The following PNPLA6 variants were observed in gnomAD, a reference collection of about 807,000 sequenced individuals.
PNPLA6 encodes the protein patatin like domain 6, lysophospholipase.
A neutral mutation model predicts 153.7 loss-of-function variants in PNPLA6; 105 were observed. That is an observed-to-expected ratio of 0.68 (90% CI 0.58 to 0.80). The LOEUF (loss-of-function observed/expected upper bound fraction) is 0.80. PNPLA6 is among the 30% of genes least tolerant of loss of function. The pLI, the probability that PNPLA6 is intolerant of heterozygous loss-of-function variation, is 0.00. For synonymous variants in PNPLA6, 825 were observed against 822.2 expected (o/e 1.00, Z -0.06); for missense variants, 1,423 against 1,919.3 (o/e 0.74, Z 4.83).
chr19:7,557,615 C>G (rs936495248), intron 27 of PNPLA6: 6 of 371,026 alleles, frequency 1.6e-5, no homozygotes, highest in Non-Finnish European at 3.2e-5. Context: ...GAAACCCCGT[C>G]TCTACTAAAA....
At position 7,557,612 on chromosome 19, in the gene PNPLA6, C is replaced by T. The variant is rs1045085937; in HGVS notation, c.3397+328C>T. 33 of 372,656 alleles carry T rather than the reference C, an allele frequency of 8.9e-5. 1 individual carries two copies. Among genetic ancestry groups the T allele is most frequent in the South Asian group, 5.2e-4 (25 of 48,140 alleles). The allele number at this position is 372,656 out of a possible 1,614,324, so 23.1% of individuals were successfully genotyped here. On this transcript the variant is annotated intron_variant, in intron 27 of 31. Transcript: ENST00000600737. ...CCGCCTGGCCAACATGGTGAAACCC[C>T]GTCTCTACTAAAAATACAAAAAATT...
At chr19:7,549,789 T>C in intron 13 of PNPLA6, 118 bp from the exon 14 acceptor site, 2 of 1,032,432 alleles carry the variant, frequency 1.9e-6, no homozygotes, top group South Asian at 2.7e-5. Flanking sequence ...GCCCTGCGCC[T>C]TCATATTTTT....
chr19:7,541,079 C>G lies in PNPLA6; in HGVS notation c.924+28C>G. 6.2e-7 allele frequency: 1 copy of G among 1,600,574 alleles called. No individual in the cohort carries two copies. Among genetic ancestry groups the G allele is most frequent in the Non-Finnish European group, 8.5e-7 (1 of 1,174,888 alleles). On this transcript the variant is annotated intron_variant, in intron 7 of 31. Coordinates refer to ENST00000600737, the MANE Select transcript of PNPLA6 (RefSeq NM_001166114.2). The surrounding 1 kb of genome is among the most constrained non-coding windows in gnomAD (Gnocchi z 5.2). Reference sequence around the variant, plus strand: ...CAGTGGGCCTTCGCCTCCTGTCACCCCCTGAGGGACCCCACCCTGGCCCCC... The same window carrying G: ...CAGTGGGCCTTCGCCTCCTGTCACCGCCTGAGGGACCCCACCCTGGCCCCC...
At chr19:7,549,832 T>C in intron 13 of PNPLA6, 75 bp from the exon 14 acceptor site, 3 of 1,401,954 alleles carry the variant, frequency 2.1e-6, no homozygotes, top group Non-Finnish European at 3.0e-6. Context: ...AATTTTTTCC[T>C]GTGGGGGCAT....
chr19:7,542,545 C>T lies in PNPLA6; in HGVS notation c.1253-16C>T, dbSNP rs2146060047. The T allele has an allele frequency of 1.3e-6, 2 of 1,595,772 alleles. No homozygotes were observed. The highest frequency in any genetic ancestry group is 1.1e-5 in the South Asian group (1 of 90,740). On this transcript the variant is annotated splice_polypyrimidine_tract_variant and intron_variant, in intron 10 of 31. Transcript: ENST00000600737. ...CTCATCTTTATGGTTTTTGTTGCCC[C>T]CCTGCCTGCCTGCAGGCTTGCAGGG...
chr19:7,550,783 C>A, intron 16 of PNPLA6, 143 bp downstream of exon 16: 1 of 1,138,822 alleles, frequency 8.8e-7, no homozygotes, highest in Non-Finnish European at 1.2e-6. Flanking sequence ...CCCGCCCAGA[C>A]CTCATTTCGT....
At chr19:7,534,367 A>T (rs78477215), upstream of PNPLA6, 803 of 170,902 alleles carry the variant, frequency 4.7e-3, 16 homozygotes, top group East Asian at 0.047. Flanking sequence ...CATACCCCCC[A>T]CGTCTCGGCA....
chr19:7,557,161 C>A lies in PNPLA6; in HGVS notation c.3281-7C>A. ...GCGTGTTTGTGTCTGTGTGTCCCAC[C>A]GCGCAGGCTCCCTGTGGCGGTACGT... On this transcript the variant is annotated splice_region_variant and splice_polypyrimidine_tract_variant and intron_variant, in intron 26 of 31. Transcript: ENST00000600737. The A allele has an allele frequency of 6.2e-7, 1 of 1,604,340 alleles. No individual in the cohort carries two copies. The highest frequency in any genetic ancestry group is 8.5e-7 in the Non-Finnish European group (1 of 1,173,044).
intron 3 of PNPLA6, among the ~76,000 whole-genome samples, chr19:7,537,773 C>G (rs532485859): frequency 6.6e-6 from 1 of 152,304 alleles, no homozygotes; most frequent in South Asian, 2.1e-4. Flanking sequence ...TCCCGAGTAG[C>G]TGGGACTACA....
At position 7,550,099 on chromosome 19, in the gene PNPLA6, T is replaced by G; in HGVS notation, c.1801T>G (p.Ser601Ala). The change falls in exon 14 of 32, where the codon TCC (serine) becomes GCC (alanine). Residue 601 changes from serine (S) to alanine (A), a missense_variant. Coordinates refer to ENST00000600737, the MANE Select transcript of PNPLA6 (RefSeq NM_001166114.2). The part of the protein sequence containing the change: ...RDCTFLRISK[S>A]DFYEIMRAQP... ...CTGCACCTTCCTGCGGATCTCCAAG[T>G]CCGACTTCTATGAGTATGACAGCCC... 6.2e-7 allele frequency: 1 copy of G among 1,614,062 alleles called. No individual in the cohort carries two copies. Among genetic ancestry groups the G allele is most frequent in the Non-Finnish European group, 8.5e-7 (1 of 1,180,038 alleles).
rs913408477 is a variant in PNPLA6, at chr19:7,542,780, G to A, written c.1382G>A (p.Arg461His). 2 of 1,613,046 alleles carry A rather than the reference G, an allele frequency of 1.2e-6. No individual in the cohort carries two copies. The highest frequency in any genetic ancestry group is 1.7e-6 in the Non-Finnish European group (2 of 1,179,952). Reference protein sequence around the residue: ...APARTPTQEPREQPAGACEYS... With the variant: ...APARTPTQEPHEQPAGACEYS... ...ACTCAGACCCCCACTCAGGAGCCTC[G>A]TGAGCAGCCGGCAGGCGCCTGTGAA... Residue 461 changes from arginine to histidine, a missense_variant, in exon 12 of 32, where the codon CGT (arginine) becomes CAT (histidine). Coordinates refer to ENST00000600737, the MANE Select transcript of PNPLA6 (RefSeq NM_001166114.2).
At position 7,554,558 on chromosome 19, in the gene PNPLA6, C is replaced by G; in HGVS notation, c.2469C>G (p.Ile823Met). 6.2e-7 allele frequency: 1 copy of G among 1,614,152 alleles called. No homozygotes were observed. Among genetic ancestry groups the G allele is most frequent in the Non-Finnish European group, 8.5e-7 (1 of 1,180,006 alleles). Residue 823 changes from isoleucine to methionine, a missense_variant, in exon 21 of 32, where the codon ATC (isoleucine) becomes ATG (methionine). Transcript: ENST00000600737. ...ARLGASALDS[I>M]QEFRLSGWLA... is the part of the protein sequence containing the mutation. ...CGCTGCCCCCTTCCCACCCTAGCATCCAAGAGTTCCGGCTGTCAGGGTGGC... is the reference window on the plus strand; with the variant it reads ...CGCTGCCCCCTTCCCACCCTAGCATGCAAGAGTTCCGGCTGTCAGGGTGGC...
At position 7,541,730 on chromosome 19, in the gene PNPLA6, C is replaced by T. The variant is rs1408288638; in HGVS notation, c.1168+46C>T. The T allele has an allele frequency of 2.0e-6, 3 of 1,536,010 alleles. No homozygotes were observed. The highest frequency in any genetic ancestry group is 3.9e-5 in the Admixed American group (2 of 51,586). On this transcript the variant is annotated intron_variant, in intron 9 of 31. Transcript: ENST00000600737. This position sits in a 1 kb window ranked among gnomAD's most constrained non-coding sequence, Gnocchi z 5.2. ...AGCCGAGCCCAATCTCCCAGGAAGC[C>T]CCGTCTCAGCCGCCAGCCCCTTTTT...
intron 18 of PNPLA6, among the ~76,000 whole-genome samples, chr19:7,552,611 C>T (rs550501703): frequency 5.3e-5 from 8 of 151,774 alleles, no homozygotes; most frequent in Non-Finnish European, 8.8e-5. Flanking sequence ...AAAAATTAGT[C>T]GGGTGTGGTG....
chr19:7,537,535 T>C (rs654059), intron 3 of PNPLA6, among the ~76,000 whole-genome samples: 38,414 of 152,172 alleles, frequency 0.25, 5,219 homozygotes, highest in East Asian at 0.41. Context: ...CTGGGATCCC[T>C]GTGCGTCATG....
Position 7,540,387 on chromosome 19 carries a change from TG to T in PNPLA6, c.714+81del, listed in dbSNP as rs2023076064. On this transcript the variant is annotated intron_variant, in intron 5 of 31. Coordinates refer to ENST00000600737, the MANE Select transcript of PNPLA6 (RefSeq NM_001166114.2). The surrounding 1 kb of genome is among the most constrained non-coding windows in gnomAD (Gnocchi z 6.8). Reference sequence around the variant, plus strand: ...AGCAGGCATTGGTCTGTAGAGCTGGTGGTCTTTGGAGATGCGTCATCGGGAG... The same window carrying T: ...AGCAGGCATTGGTCTGTAGAGCTGGTGTCTTTGGAGATGCGTCATCGGGAG... 6.7e-7 allele frequency: 1 copy of T among 1,482,078 alleles called. No homozygotes were observed. Among genetic ancestry groups the T allele is most frequent in the Non-Finnish European group, 9.1e-7 (1 of 1,097,294 alleles). 91.8% of individuals were successfully genotyped at this position (1,482,078 alleles called of 1,614,324 possible). A position where few individuals can be genotyped will look rare whatever the true frequency, so the allele number is the denominator to read the frequency against.
chr19:7,543,247 A>AC (rs1188603559), intron 13 of PNPLA6, among the ~76,000 whole-genome samples, 163 bp downstream of exon 13: 1 of 151,678 alleles, frequency 6.6e-6, no homozygotes, highest in African/African-American at 2.4e-5. Context: ...GGGTCCTGTG[A>AC]CCCCCACCCC....
rs998963029 is a variant in PNPLA6 at position 7,549,907 on chromosome 19, G to A, written c.1609G>A (p.Asp537Asn). Residue 537 changes from aspartate to asparagine, a missense_variant and splice_region_variant, in exon 14 of 32, where the codon GAC becomes AAC. By Grantham distance (23) the Asp-to-Asn change is conservative (BLOSUM62 1). Coordinates refer to ENST00000600737, the MANE Select transcript of PNPLA6 (RefSeq NM_001166114.2). ...TTCATCACATCCCCTGCCCGCACAG[G>A]ACGTGAGCCTGCACTTCGTGCTCTG... is the stretch of plus-strand genomic sequence containing the variant. ...GTIIARQGDQDVSLHFVLWGC... is the reference protein window; with the variant it reads ...GTIIARQGDQNVSLHFVLWGC... 1.2e-6 allele frequency: 2 copies of A among 1,613,322 alleles called. No homozygotes were observed. Among genetic ancestry groups the A allele is most frequent in the Admixed American group, 3.3e-5 (2 of 60,004 alleles).
At chr19:7,560,952 C>G in intron 29 of PNPLA6, 62 bp from the exon 30 acceptor site, 1 of 1,029,568 alleles carries the variant, frequency 9.7e-7, no homozygotes, top group Non-Finnish European at 1.5e-6. Context: ...ACCACTGGGC[C>G]CCCCAGGGGC....
Sources: allele counts gnomAD v4.1 joint callset (sites outside exome capture counted in the v4.1 genomes callset), GRCh38; gene constraint gnomAD v4.1.1; non-coding constraint Gnocchi (gnomAD v3.1); transcripts MANE v1.5; gene names NCBI Gene and HGNC (gene_info 2026-07-23, HGNC 2026-07-21).